PTDSS2: variants seen among roughly 807,000 people sequenced by gnomAD.
PTDSS2 encodes the protein phosphatidylserine synthase 2.
Under a neutral mutation model 64.7 loss-of-function variants are expected in PTDSS2, and 41 were observed. The ratio of observed to expected loss-of-function variants is 0.63; its 90% CI spans 0.49 to 0.82. PTDSS2 has a LOEUF of 0.82. PTDSS2 is among the 40% of genes least tolerant of loss of function. The pLI is 0.00. For synonymous variants in PTDSS2, 297 were observed against 277.8 expected (o/e 1.07, Z -0.69); for missense variants, 485 against 650.0 (o/e 0.75, Z 2.76).
chr11:481,729 T>C (rs1848078591), intron 4 of PTDSS2, among the ~76,000 whole-genome samples: 1 of 152,230 alleles, frequency 6.6e-6, no homozygotes, highest in Admixed American at 6.5e-5. Flanking sequence ...TTAGCTCTAA[T>C]AGTTGTGGTG....
At chr11:490,234 G>T (rs997728022) in intron 11 of PTDSS2, among the ~76,000 whole-genome samples, 166 bp downstream of exon 11, 7 of 152,148 alleles carry the variant, frequency 4.6e-5, no homozygotes, top group African/African-American at 1.7e-4. Flanking sequence ...CGGGGCCTTC[G>T]CTCTGCACTG....
intron 1 of PTDSS2, among the ~76,000 whole-genome samples, chr11:451,075 C>G (rs1034779866): frequency 1.3e-5 from 2 of 152,224 alleles, no homozygotes; most frequent in African/African-American, 4.8e-5. Flanking sequence ...TCAGTGCTTG[C>G]GGCTGCACGA....
At chr11:467,822 G>A (rs1847209068) in intron 2 of PTDSS2, among the ~76,000 whole-genome samples, 1 of 152,054 alleles carries the variant, frequency 6.6e-6, no homozygotes, top group Non-Finnish European at 1.5e-5. Flanking sequence ...CAACTGAATT[G>A]AAAACTTATG....
At position 462,737 on chromosome 11, in the gene PTDSS2, C is replaced by A. The variant is rs1178491504; in HGVS notation, c.284+2449C>A. Among the ~76,000 whole-genome samples the A allele has an allele frequency of 6.6e-6, 1 of 152,172 alleles. No homozygotes were observed. Among genetic ancestry groups the A allele is most frequent in the Non-Finnish European group, 1.5e-5 (1 of 68,016 alleles). ...CCCTACCTGCCCCTACGCAGGGTGTCCACACAGAGGGTGTCCGCACACAGG... is the reference window on the plus strand; with the variant it reads ...CCCTACCTGCCCCTACGCAGGGTGTACACACAGAGGGTGTCCGCACACAGG... On this transcript the variant is annotated intron_variant, in intron 2 of 11. Coordinates refer to ENST00000308020, the MANE Select transcript of PTDSS2 (RefSeq NM_030783.3). This position sits in a 1 kb window ranked among gnomAD's most constrained non-coding sequence, Gnocchi z 4.5.
chr11:465,062 C>G (rs1177061012), intron 2 of PTDSS2, among the ~76,000 whole-genome samples: 4 of 152,302 alleles, frequency 2.6e-5, no homozygotes, highest in South Asian at 2.1e-4. Context: ...AAGGGATGGC[C>G]TTTTCAACAC....
chr11:479,299 G>T lies in PTDSS2; in HGVS notation c.435+147G>T. The T allele has an allele frequency of 1.3e-6, 1 of 757,472 alleles. No homozygotes were observed. The highest frequency in any genetic ancestry group is 2.4e-6 in the Non-Finnish European group (1 of 422,938). The allele number at this position is 757,472 out of a possible 1,614,324, so 46.9% of individuals were successfully genotyped here. A position where few individuals can be genotyped will look rare whatever the true frequency, so the allele number is the denominator to read the frequency against. On this transcript the variant is annotated intron_variant, in intron 4 of 11. Transcript: ENST00000308020. This position sits in a 1 kb window ranked among gnomAD's most constrained non-coding sequence, Gnocchi z 4.2. Reference sequence around the variant, plus strand: ...CCCACAAAGTAGGCCGAGCTGCGGGGGGTCTCCAGGAGCATCTGTGCGGCC... The same window carrying T: ...CCCACAAAGTAGGCCGAGCTGCGGGTGGTCTCCAGGAGCATCTGTGCGGCC...
chr11:465,005 T>C (rs1335657887), intron 2 of PTDSS2, among the ~76,000 whole-genome samples: 2 of 152,130 alleles, frequency 1.3e-5, no homozygotes, highest in African/African-American at 4.8e-5. Context: ...CGCGCACGAC[T>C]GCAGGCAGCC....
intron 1 of PTDSS2, among the ~76,000 whole-genome samples, chr11:454,300 G>T (rs1047071441): frequency 6.6e-6 from 1 of 152,204 alleles, no homozygotes. Flanking sequence ...CCAGGAGGGT[G>T]CTGGGCACTC....
Position 460,094 on chromosome 11 carries a change from C to A in PTDSS2, c.183-93C>A. On this transcript the variant is annotated intron_variant, in intron 1 of 11. Coordinates refer to ENST00000308020, the MANE Select transcript of PTDSS2 (RefSeq NM_030783.3). The surrounding 1 kb of genome is among the most constrained non-coding windows in gnomAD (Gnocchi z 5.8). ...TTGGAGAGTGGAGTTTAAGCCCTCT[C>A]CTTGACGTAGAGAGGATTTGGGGCC... The A allele has an allele frequency of 1.0e-6, 1 of 980,206 alleles. No homozygotes were observed. The highest frequency in any genetic ancestry group is 1.6e-6 in the Non-Finnish European group (1 of 627,894). The allele number at this position is 980,206 out of a possible 1,614,324, so 60.7% of individuals were successfully genotyped here.
At chr11:482,703 A>T (rs911731254) in intron 4 of PTDSS2, among the ~76,000 whole-genome samples, 1 of 152,198 alleles carries the variant, frequency 6.6e-6, no homozygotes, top group African/African-American at 2.4e-5. Context: ...TTTTTCATAG[A>T]TCTCCTTACC....
rs1454103108 is a variant in PTDSS2 at position 461,591 on chromosome 11, T to C, written c.284+1303T>C. Among the ~76,000 whole-genome samples the C allele has an allele frequency of 6.6e-6, 1 of 152,156 alleles. No individual in the cohort carries two copies. Among genetic ancestry groups the C allele is most frequent in the South Asian group, 2.1e-4 (1 of 4,836 alleles). On this transcript the variant is annotated intron_variant, in intron 2 of 11. Coordinates refer to ENST00000308020, the MANE Select transcript of PTDSS2 (RefSeq NM_030783.3). The surrounding 1 kb of genome is among the most constrained non-coding windows in gnomAD (Gnocchi z 4.2). Reference sequence around the variant, plus strand: ...CTGGCTGCATGCTCTGTGGGTTCTCTCCCACCTTGCTGTCATCCCTCTCCC... The same window carrying C: ...CTGGCTGCATGCTCTGTGGGTTCTCCCCCACCTTGCTGTCATCCCTCTCCC...
chr11:467,568 C>T (rs948534511), intron 2 of PTDSS2, among the ~76,000 whole-genome samples: 8 of 151,466 alleles, frequency 5.3e-5, no homozygotes, highest in African/African-American at 1.9e-4. Flanking sequence ...CAAGCCTAGC[C>T]AACATAGTGA....
chr11:487,005 A>T lies in PTDSS2; in HGVS notation c.502A>T (p.Arg168Ter). Residue 168 changes from arginine to a stop codon, truncating the protein, a stop_gained, in exon 5 of 12, where the codon AGA becomes TGA. Transcript: ENST00000308020. LOFTEE classifies it high-confidence loss of function. ...CAAGCTGGGAGTCCCACTGCCAGAG[A>T]GAGACTACGGGGGAAACTGCCTCAT... ...DPKLGVPLPE[R>*]DYGGNCLIYD... The T allele has an allele frequency of 6.2e-7, 1 of 1,613,560 alleles. No homozygotes were observed. The highest frequency in any genetic ancestry group is 2.2e-5 in the East Asian group (1 of 44,884).
At position 488,661 on chromosome 11, in the gene PTDSS2, GC is replaced by G. The variant is rs748466896; in HGVS notation, c.854+15del. On this transcript the variant is annotated intron_variant, in intron 8 of 11. Transcript: ENST00000308020. ...TCCGACCTACAAGTACGTCGTGGGGGCTGCGAGGGCAGGGCCGGGTGGGGGT... is the reference window on the plus strand; with the variant it reads ...TCCGACCTACAAGTACGTCGTGGGGGTGCGAGGGCAGGGCCGGGTGGGGGT... 2 of 1,579,022 alleles carry G rather than the reference GC, an allele frequency of 1.3e-6. No individual in the cohort carries two copies. Among genetic ancestry groups the G allele is most frequent in the Middle Eastern group, 1.7e-4 (1 of 6,016 alleles).
chr11:467,782 A>G (rs1321713776), intron 2 of PTDSS2, among the ~76,000 whole-genome samples: 1 of 152,182 alleles, frequency 6.6e-6, no homozygotes, highest in African/African-American at 2.4e-5. Context: ...TTACCATGCA[A>G]TCTAGCAGTT....
chr11:490,814 G>GTGCA lies in PTDSS2; in HGVS notation c.*234_*235insCATG. On this transcript the variant is annotated 3_prime_UTR_variant, in exon 12 of 12. Coordinates refer to ENST00000308020, the MANE Select transcript of PTDSS2 (RefSeq NM_030783.3). ...CGTGTGTGTACGCGTGTGTACGCGC[G>GTGCA]TGTGTACACATGCGTGGCCGCCTGT... is the stretch of plus-strand genomic sequence containing the variant. The GTGCA allele has an allele frequency of 5.2e-6, 3 of 580,438 alleles. No individual in the cohort carries two copies. Among genetic ancestry groups the GTGCA allele is most frequent in the Admixed American group, 3.2e-5 (1 of 31,408 alleles). 36.0% of individuals were successfully genotyped at this position (580,438 alleles called of 1,614,324 possible).
intron 2 of PTDSS2, among the ~76,000 whole-genome samples, chr11:469,253 AAGG>A (rs1205962359): frequency 8.2e-6 from 1 of 122,480 alleles, no homozygotes; most frequent in Non-Finnish European, 1.7e-5. Context: ...GGGTAATCGG[AAGG>A]AGGAGGAGGG....
chr11:482,287 A>G (rs1167794071), intron 4 of PTDSS2, among the ~76,000 whole-genome samples: 2 of 146,986 alleles, frequency 1.4e-5, no homozygotes, highest in Non-Finnish European at 3.0e-5. Context: ...CAGTGGCACG[A>G]TCTTGGCTTA....
intron 4 of PTDSS2, among the ~76,000 whole-genome samples, chr11:486,161 G>C (rs1848368414): frequency 6.6e-6 from 1 of 152,190 alleles, no homozygotes; most frequent in Admixed American, 6.5e-5. Flanking sequence ...CTCCCTTGAC[G>C]TCAGGCCCAA....
Sources: allele counts gnomAD v4.1 joint callset (sites outside exome capture counted in the v4.1 genomes callset), GRCh38; gene constraint gnomAD v4.1.1; non-coding constraint Gnocchi (gnomAD v3.1); transcripts MANE v1.5; gene names NCBI Gene and HGNC (gene_info 2026-07-23, HGNC 2026-07-21).